GET4: variants seen among roughly 807,000 people sequenced by gnomAD.
GET4 encodes Golgi to ER traffic protein 4 homolog.
In GET4, 20 loss-of-function variants were observed where a neutral mutation model predicts 40.0. The observed-to-expected ratio is 0.50, with a 90% CI of 0.35 to 0.73. The LOEUF is 0.73. Among genes scored for constraint, GET4 ranks in the 30% least tolerant of loss-of-function variants. The probability of loss-of-function intolerance (pLI) is 0.01; values close to 1 mark genes in which losing one functional copy is unlikely to be tolerated. For missense variants in GET4, 557 were observed against 454.0 expected (o/e 1.23, Z -2.06); for synonymous variants, 280 against 194.6 (o/e 1.44, Z -3.65).
At chr7:890,121 C>T (rs5017685) in intron 4 of GET4, among the ~76,000 whole-genome samples, 4 of 1,616 alleles carry the variant, frequency 2.5e-3, no homozygotes, top group Non-Finnish European at 5.3e-3. Flanking sequence ...GGAGGGAGCG[C>T]GAGCGGGTGT....
chr7:892,572 C>T (rs1034824361), intron 6 of GET4, 154 bp downstream of exon 6: 12 of 699,718 alleles, frequency 1.7e-5, no homozygotes, highest in East Asian at 8.2e-5. Flanking sequence ...TGGGTGTAGA[C>T]GTGGCATAGG....
intron 6 of GET4, among the ~76,000 whole-genome samples, chr7:892,670 G>A (rs1844355229): frequency 6.7e-6 from 1 of 149,988 alleles, no homozygotes; most frequent in African/African-American, 2.5e-5. Flanking sequence ...GTGGGGGAGT[G>A]TAGGTGTTGG....
intron 4 of GET4, among the ~76,000 whole-genome samples, chr7:890,445 G>A (rs1301958991): frequency 6.6e-6 from 1 of 150,708 alleles, no homozygotes; most frequent in Non-Finnish European, 1.5e-5. Flanking sequence ...GTGTGAGCGG[G>A]TGTTAGGACG....
At position 891,328 on chromosome 7, in the gene GET4, G is replaced by A. The variant is rs372807266; in HGVS notation, c.605+262G>A. 1.1e-4 allele frequency among the ~76,000 whole-genome samples: 17 copies of A among 152,200 alleles called. No individual in the cohort carries two copies. In the East Asian group the frequency reaches 1.7e-3, roughly 16 times the overall value. Reference sequence around the variant, plus strand: ...CGCCCCTCGCCTCTCGCCCACTGCCGGGAGGCCCTGTGGTCTCTGCTGTAC... The same window carrying A: ...CGCCCCTCGCCTCTCGCCCACTGCCAGGAGGCCCTGTGGTCTCTGCTGTAC... On this transcript the variant is annotated intron_variant, in intron 5 of 8. Coordinates refer to ENST00000265857, the MANE Select transcript of GET4 (RefSeq NM_015949.3).
chr7:878,337 A>G (rs1487857961), intron 1 of GET4: 2 of 471,014 alleles, frequency 4.2e-6, no homozygotes, highest in South Asian at 1.5e-5. Flanking sequence ...TGTGTGTGGC[A>G]TTCTGTAAAT....
intron 1 of GET4, 140 bp downstream of exon 1, chr7:876,940 C>G: frequency 3.5e-6 from 1 of 282,106 alleles, no homozygotes; most frequent in Non-Finnish European, 5.5e-6. Context: ...CCGCGGGTCG[C>G]CCGGCGGAGG....
At chr7:889,647 A>T (rs1263514883) in intron 4 of GET4, among the ~76,000 whole-genome samples, 1 of 144,002 alleles carries the variant, frequency 6.9e-6, no homozygotes, top group Non-Finnish European at 1.6e-5. Context: ...CTGGGAGTGG[A>T]GGGAGTGTGA....
intron 4 of GET4, among the ~76,000 whole-genome samples, chr7:889,739 G>A (rs1844275372): frequency 8.4e-6 from 1 of 119,712 alleles, no homozygotes; most frequent in East Asian, 2.5e-4. Context: ...GTGTTAGGAC[G>A]GGGTCTGGGA....
chr7:879,023 G>T (rs1844030675), intron 1 of GET4, among the ~76,000 whole-genome samples: 1 of 152,192 alleles, frequency 6.6e-6, no homozygotes, highest in Non-Finnish European at 1.5e-5. Context: ...TCACATCGGG[G>T]TGCATGCCTG....
At chr7:877,106 C>A (rs1233072275) in intron 1 of GET4, among the ~76,000 whole-genome samples, 1 of 151,850 alleles carries the variant, frequency 6.6e-6, no homozygotes, top group Non-Finnish European at 1.5e-5. Context: ...CGTCCCCACA[C>A]GCCCCTCGGC....
chr7:893,867 C>A, intron 7 of GET4, 32 bp from the exon 8 acceptor site: 4 of 1,610,084 alleles, frequency 2.5e-6, no homozygotes, highest in Middle Eastern at 1.7e-4. Flanking sequence ...TCTGGGTCCA[C>A]CCCCTCTGAG....
chr7:890,888 T>C, intron 4 of GET4, 40 bp from the exon 5 acceptor site: 1 of 1,487,924 alleles, frequency 6.7e-7, no homozygotes, highest in Non-Finnish European at 9.4e-7. Flanking sequence ...TGTGTTATAT[T>C]CGTGAAATGT....
intron 1 of GET4, chr7:880,169 C>G (rs998035054): frequency 6.6e-6 from 1 of 152,292 alleles, no homozygotes; most frequent in African/African-American, 2.4e-5. Flanking sequence ...TGGAGAAACC[C>G]TGTCTCTACT....
At chr7:892,989 TGGG>T (rs1248002184) in intron 6 of GET4, among the ~76,000 whole-genome samples, 1 of 150,042 alleles carries the variant, frequency 6.7e-6, no homozygotes, top group Admixed American at 6.6e-5. Context: ...AGGTAAGTGT[TGGG>T]GGCGGGCGTG....
intron 5 of GET4, among the ~76,000 whole-genome samples, chr7:891,561 C>T (rs1844322663): frequency 6.6e-6 from 1 of 152,218 alleles, no homozygotes. Flanking sequence ...GGGCGTCCTG[C>T]AGGCCAGGCT....
chr7:894,485 C>G (rs901871195), intron 8 of GET4, among the ~76,000 whole-genome samples: 1 of 152,096 alleles, frequency 6.6e-6, no homozygotes, highest in South Asian at 2.1e-4. Context: ...GAGGTGGTGA[C>G]CTCTCCCCAC....
intron 2 of GET4, 73 bp from the exon 3 acceptor site, chr7:886,496 C>T: frequency 8.7e-7 from 1 of 1,145,406 alleles, no homozygotes; most frequent in South Asian, 1.3e-5. Context: ...TGCTGGAAAC[C>T]CAGCCTTGTC....
intron 4 of GET4, among the ~76,000 whole-genome samples, chr7:888,781 G>A (rs549474148): frequency 1.2e-3 from 180 of 152,342 alleles, no homozygotes; most frequent in African/African-American, 3.7e-3. Context: ...GCTCCACACA[G>A]AACACGGCCG....
chr7:891,106 T>C, intron 5 of GET4, 40 bp downstream of exon 5: 1 of 1,535,010 alleles, frequency 6.5e-7, no homozygotes, highest in Non-Finnish European at 8.8e-7. Flanking sequence ...CTTCCATTGC[T>C]GCCTTGGCTG....
Sources: allele counts gnomAD v4.1 joint callset (sites outside exome capture counted in the v4.1 genomes callset), GRCh38; gene constraint gnomAD v4.1.1; transcripts MANE v1.5; gene names NCBI Gene and HGNC (gene_info 2026-07-23, HGNC 2026-07-21).